The following ZNF81 variants were observed in gnomAD, a reference collection of about 807,000 sequenced individuals.
ZNF81 encodes the protein zinc finger protein 81.
ZNF81 carries 5 observed loss-of-function variants against 32.3 expected under a neutral mutation model. The observed-to-expected ratio is 0.15, with a 90% CI of 0.08 to 0.33. The LOEUF is 0.33. ZNF81 is among the 10% of genes least tolerant of loss of function. The pLI is 1.00. For synonymous variants in ZNF81, 163 were observed against 166.8 expected, an observed-to-expected ratio of 0.98 and a Z score of 0.17; for missense variants, 379 against 479.8, an observed-to-expected ratio of 0.79 and a Z score of 1.96.
At chrX:47,884,013 C>T (rs1032318463) in intron 2 of ZNF81, among the ~76,000 whole-genome samples, 2 of 109,784 alleles carry the variant, frequency 1.8e-5, no homozygotes, top group Admixed American at 9.7e-5. Context: ...TTTGGGAGGC[C>T]GAGGCAGGTG....
At position 47,922,236 on chromosome X, in the gene ZNF81, CTCATAA is replaced by C. The variant is rs1432392964; in HGVS notation, c.*5610_*5615del. ...TTCATGTTTTAATCTCTGCTCTGTG[CTCATAA>C]TCATATATAGACATACATACGTTCC... is the stretch of plus-strand genomic sequence containing the variant. On this transcript the variant is annotated 3_prime_UTR_variant, in exon 5 of 5. Transcript: ENST00000338637. The C allele has an allele frequency of 8.9e-6, 1 of 112,083 alleles. No homozygotes were observed. The highest frequency in any genetic ancestry group is 3.2e-5 in the African/African-American group (1 of 30,820). The allele number at this position is 112,083 out of a possible 1,213,427, so 9.2% of individuals were successfully genotyped here.
At position 47,888,075 on chromosome X, in the gene ZNF81, G is replaced by T; in HGVS notation, c.131G>T (p.Arg44Leu). The T allele has an allele frequency of 8.3e-7, 1 of 1,210,411 alleles. No individual in the cohort carries two copies. Among genetic ancestry groups the T allele is most frequent in the Non-Finnish European group, 1.1e-6 (1 of 895,087 alleles). ...CAGCAACTGGACTCTACTCAAAGAC[G>T]CCTGTACCAGGATGTAATGTTGGAG... ...EWQQLDSTQR[R>L]LYQDVMLENY... Residue 44 changes from arginine (R) to leucine (L), a missense_variant, in exon 3 of 5, where the codon CGC (arginine) becomes CTC (leucine). Around this residue, in one of 2 missense-constraint regions of ZNF81, gnomAD observed 277 missense variants for 306.6 expected, o/e 0.90. Coordinates refer to ENST00000338637, the MANE Select transcript of ZNF81 (RefSeq NM_007137.5).
chrX:47,899,352 G>T (rs2058690739), intron 4 of ZNF81, among the ~76,000 whole-genome samples: 1 of 108,698 alleles, frequency 9.2e-6, no homozygotes. Flanking sequence ...TGCATCTATT[G>T]GAGAGATATT....
chrX:47,873,011 T>C (rs1174958635), intron 2 of ZNF81, among the ~76,000 whole-genome samples: 3 of 111,637 alleles, frequency 2.7e-5, no homozygotes, highest in Non-Finnish European at 5.6e-5. Flanking sequence ...CTTTTCTTTC[T>C]AAAGGCACCT....
In ZNF81 at chrX:47,868,710, C is replaced by T. The variant is rs376887135; in HGVS notation, c.55-19289C>T. ...TCAAAAGAGTTAGGTATATCTGTAC[C>T]TGTCCCTATTCCTCCCAGGACTGTA... On this transcript the variant is annotated intron_variant, in intron 2 of 4. Transcript: ENST00000338637. Among the ~76,000 whole-genome samples the T allele has an allele frequency of 5.4e-5, 6 of 110,748 alleles. No homozygotes were observed. In the East Asian group the frequency reaches 1.4e-3, roughly 26 times the overall value.
chrX:47,891,041 C>G (rs1419698643), intron 3 of ZNF81, among the ~76,000 whole-genome samples: 3 of 112,083 alleles, frequency 2.7e-5, no homozygotes, highest in Non-Finnish European at 5.6e-5. Context: ...AGTGTGATAT[C>G]TTGTGGAAGG....
chrX:47,841,871 T>C (rs2058451091), intron 1 of ZNF81, among the ~76,000 whole-genome samples: 1 of 112,001 alleles, frequency 8.9e-6, no homozygotes, highest in Admixed American at 9.5e-5. Context: ...CCGCTTAGTT[T>C]GAGTTTTCTT....
At chrX:47,895,504 A>G (rs2058676583) in intron 3 of ZNF81, among the ~76,000 whole-genome samples, 1 of 112,108 alleles carries the variant, frequency 8.9e-6, no homozygotes, top group African/African-American at 3.2e-5. Context: ...TAGATCCATC[A>G]GAGAGAGCAT....
chrX:47,916,455 TCA>T lies in ZNF81; in HGVS notation c.1814_1815del (p.Thr605ArgfsTer16). The T allele has an allele frequency of 8.3e-7, 1 of 1,211,550 alleles. No homozygotes were observed. ...CACATCTCAAAGTACATCAACGAAT[TCA>T]CACAGGGGAGAAACCATATATATGT... The part of the protein sequence containing the change: ...KPHLKVHQRI[H>X]TGEKPYICAE... On this transcript the variant is annotated frameshift_variant, in exon 5 of 5. Coordinates refer to ENST00000338637, the MANE Select transcript of ZNF81 (RefSeq NM_007137.5). LOFTEE classifies it high-confidence loss of function.
chrX:47,872,479 A>G, intron 2 of ZNF81, among the ~76,000 whole-genome samples: 1 of 111,744 alleles, frequency 8.9e-6, no homozygotes, highest in Middle Eastern at 4.6e-3. Context: ...ACCATTTGCC[A>G]TAAATATTGA....
intron 4 of ZNF81, among the ~76,000 whole-genome samples, chrX:47,909,502 T>TTTTG (rs200538802): frequency 9.0e-6 from 1 of 111,298 alleles, no homozygotes; most frequent in Non-Finnish European, 1.9e-5. Context: ...ACTTAAGGTT[T>TTTTG]TTTGTTTGTT....
At chrX:47,879,845 A>G (rs1317213980) in intron 2 of ZNF81, among the ~76,000 whole-genome samples, 3 of 111,911 alleles carry the variant, frequency 2.7e-5, no homozygotes, top group Non-Finnish European at 3.8e-5. Context: ...CTTTTAATCT[A>G]TGGCAAATCT....
intron 2 of ZNF81, among the ~76,000 whole-genome samples, chrX:47,875,475 T>C (rs2058596411): frequency 8.9e-6 from 1 of 112,501 alleles, no homozygotes; most frequent in Non-Finnish European, 1.9e-5. Context: ...CATATTTTTC[T>C]ACCATCAAAG....
At chrX:47,844,793 A>T (rs1197108508) in intron 1 of ZNF81, among the ~76,000 whole-genome samples, 1 of 112,273 alleles carries the variant, frequency 8.9e-6, no homozygotes, top group African/African-American at 3.2e-5. Context: ...TTACAATCCA[A>T]CCAGCAATGT....
At chrX:47,882,950 C>T (rs1485669880) in intron 2 of ZNF81, among the ~76,000 whole-genome samples, 1 of 112,654 alleles carries the variant, frequency 8.9e-6, no homozygotes. Flanking sequence ...AAGATCACAC[C>T]ACTGCCTCCA....
intron 3 of ZNF81, among the ~76,000 whole-genome samples, chrX:47,892,773 G>A (rs1404248816): frequency 8.9e-6 from 1 of 112,621 alleles, no homozygotes; most frequent in Non-Finnish European, 1.9e-5. Context: ...TAAATGAATC[G>A]TGCCGTTCTT....
chrX:47,861,618 C>T (rs782307109), intron 2 of ZNF81, among the ~76,000 whole-genome samples: 1 of 111,869 alleles, frequency 8.9e-6, no homozygotes, highest in African/African-American at 3.2e-5. Flanking sequence ...AATACTGGGC[C>T]AATACCAGCA....
chrX:47,890,466 T>G (rs782744274), intron 3 of ZNF81, among the ~76,000 whole-genome samples: 4 of 112,236 alleles, frequency 3.6e-5, no homozygotes, highest in Non-Finnish European at 7.5e-5. Context: ...AGTTATCCAC[T>G]ACTACAGGAT....
At position 47,888,079 on chromosome X, in the gene ZNF81, G is replaced by A. The variant is rs782371347; in HGVS notation, c.135G>A (p.Leu45=). The A allele has an allele frequency of 3.3e-6, 4 of 1,208,207 alleles. No individual in the cohort carries two copies. The African/African-American group carries it at 7.0e-5, about 21-fold the overall frequency. Residue 45 remains leucine (L), a synonymous_variant, in exon 3 of 5, where the codon CTG becomes CTA. Coordinates refer to ENST00000338637, the MANE Select transcript of ZNF81 (RefSeq NM_007137.5). The part of the protein sequence containing the change: ...WQQLDSTQRR[L]YQDVMLENYS... ...AACTGGACTCTACTCAAAGACGCCT[G>A]TACCAGGATGTAATGTTGGAGAACT... is the stretch of plus-strand genomic sequence containing the variant.
Sources: allele counts gnomAD v4.1 joint callset (sites outside exome capture counted in the v4.1 genomes callset), GRCh38; gene constraint gnomAD v4.1.1; regional missense constraint gnomAD v4.1.1; transcripts MANE v1.5; gene names NCBI Gene and HGNC (gene_info 2026-07-23, HGNC 2026-07-21).